The following DCLRE1C variants were observed in gnomAD, a reference collection of about 807,000 sequenced individuals.
DCLRE1C encodes the protein protein artemis.
DCLRE1C carries 47 observed loss-of-function variants against 61.4 expected under a neutral mutation model. The observed-to-expected ratio is 0.77, with a 90% CI of 0.61 to 0.98. DCLRE1C has a LOEUF of 0.98. Ranked by LOEUF, DCLRE1C falls within the 50% of genes least tolerant of loss-of-function variation. DCLRE1C has a pLI of 0.00. For synonymous variants in DCLRE1C, 337 were observed against 287.6 expected (o/e 1.17, Z -1.74); for missense variants, 858 against 816.0 (o/e 1.05, Z -0.63).
In DCLRE1C at chr10:14,909,220, C is replaced by G. The variant is rs1834840837; in HGVS notation, c.1267G>C (p.Glu423Gln). ...PEVFSMTAVS[E>Q]KQPEKLRQTP... ...TGTCTCAGTTTTTCAGGCTGCTTTT[C>G]TGATACTGCAGTCATTGAAAATACC... The change falls in exon 14 of 14, where the codon GAA becomes CAA. Residue 423 changes from glutamate (E) to glutamine (Q), a missense_variant. Coordinates refer to ENST00000378278, the MANE Select transcript of DCLRE1C (RefSeq NM_001033855.3). 6.2e-7 allele frequency: 1 copy of G among 1,614,100 alleles called. No individual in the cohort carries two copies. The highest frequency in any genetic ancestry group is 8.5e-7 in the Non-Finnish European group (1 of 1,179,988).
exon 14 of DCLRE1C, chr10:14,898,309 A>G (rs1833748459): frequency 6.7e-6 from 1 of 150,182 alleles, no homozygotes; most frequent in South Asian, 2.1e-4. Context: ...CATAGTAATA[A>G]GAACCGAGAT....
At chr10:14,940,632 TC>T (rs1840717096) in intron 3 of DCLRE1C, among the ~76,000 whole-genome samples, 1 of 152,042 alleles carries the variant, frequency 6.6e-6, no homozygotes, top group East Asian at 1.9e-4. Flanking sequence ...CTGGTACATT[TC>T]CCCCTGCCAT....
chr10:14,932,408 G>C (rs7924049), intron 9 of DCLRE1C, among the ~76,000 whole-genome samples: 42,490 of 151,946 alleles, frequency 0.28, 6,882 homozygotes, highest in African/African-American at 0.45. Flanking sequence ...GAGGCCGAGG[G>C]AGGCGGATCA....
At chr10:14,903,562 T>A (rs1834161396), downstream of DCLRE1C, 1 of 152,214 alleles carries the variant, frequency 6.6e-6, no homozygotes, top group Non-Finnish European at 1.5e-5. Context: ...TAAATTTTTT[T>A]TAGATGTGAT....
At chr10:14,928,516 G>T (rs1202987337) in intron 9 of DCLRE1C, among the ~76,000 whole-genome samples, 2 of 152,186 alleles carry the variant, frequency 1.3e-5, no homozygotes, top group African/African-American at 2.4e-5. Context: ...ACTATGGGAA[G>T]AACTGGGGAC....
At chr10:14,897,718 G>C in exon 14 of DCLRE1C, 3 of 379,272 alleles carry the variant, frequency 7.9e-6, no homozygotes, top group African/African-American at 2.1e-5. Context: ...AAAAATATAC[G>C]TTAAAACAAA....
chr10:14,935,782 T>G (rs1041301691), intron 5 of DCLRE1C, among the ~76,000 whole-genome samples: 1 of 152,222 alleles, frequency 6.6e-6, no homozygotes, highest in African/African-American at 2.4e-5. Context: ...CAGTTTGTAA[T>G]AGATGTTCCT....
intron 11 of DCLRE1C, among the ~76,000 whole-genome samples, chr10:14,924,102 G>C (rs1043928863): frequency 1.3e-5 from 2 of 152,364 alleles, no homozygotes; most frequent in African/African-American, 4.8e-5. Flanking sequence ...CACACATCAA[G>C]TACGAAGCAG....
chr10:14,950,778 C>A (rs1172848732), intron 1 of DCLRE1C, among the ~76,000 whole-genome samples: 2 of 152,218 alleles, frequency 1.3e-5, no homozygotes, highest in Admixed American at 1.3e-4. Flanking sequence ...TCCTCACCAC[C>A]CTGAGGCCCC....
At chr10:14,932,810 A>G in intron 9 of DCLRE1C, 44 bp downstream of exon 9, 3 of 1,607,530 alleles carry the variant, frequency 1.9e-6, no homozygotes, top group East Asian at 2.2e-5. Flanking sequence ...CTTCTTTTTC[A>G]TAGATTACAC....
intron 3 of DCLRE1C, among the ~76,000 whole-genome samples, chr10:14,943,299 T>C (rs1484368849): frequency 1.3e-5 from 2 of 152,114 alleles, no homozygotes; most frequent in African/African-American, 4.8e-5. Context: ...CTACTTCAGC[T>C]GGATGCTATT....
intron 13 of DCLRE1C, among the ~76,000 whole-genome samples, chr10:14,914,438 G>T (rs948850658): frequency 4.6e-5 from 7 of 152,296 alleles, no homozygotes; most frequent in Middle Eastern, 3.4e-3. Flanking sequence ...ACTGGAGATT[G>T]CAACACCCCT....
intron 13 of DCLRE1C, among the ~76,000 whole-genome samples, chr10:14,915,375 A>G (rs1836003130): frequency 6.6e-6 from 1 of 152,102 alleles, no homozygotes; most frequent in African/African-American, 2.4e-5. Flanking sequence ...TGAGAAGATC[A>G]GTAAAACTGG....
rs1834715620 is a variant in DCLRE1C at position 14,908,638 on chromosome 10, T to C, written c.1849A>G (p.Ser617Gly). Reference sequence around the variant, plus strand: ...CTTAGAGTAGTTGGTTCTCCAGTACTAGGAACTATTGTCACATCTTTATCT... The same window carrying C: ...CTTAGAGTAGTTGGTTCTCCAGTACCAGGAACTATTGTCACATCTTTATCT... ...SRDKDVTIVP[S>G]TGEPTTLSSE... is the part of the protein sequence containing the mutation. Residue 617 changes from serine (S) to glycine (G), a missense_variant, in exon 14 of 14, where the codon AGT becomes GGT. By Grantham distance (56) the Ser-to-Gly change is moderately conservative. Around this residue, in one of 2 missense-constraint regions of DCLRE1C, gnomAD observed 843 missense variants for 783.5 expected, o/e 1.08. Transcript: ENST00000378278. 3.1e-6 allele frequency: 5 copies of C among 1,614,218 alleles called. No homozygotes were observed. Among genetic ancestry groups the C allele is most frequent in the Non-Finnish European group, 4.2e-6 (5 of 1,180,034 alleles).
chr10:14,919,770 A>G lies in DCLRE1C; in HGVS notation c.1124T>C (p.Leu375Pro), dbSNP rs1386442094. 6.2e-7 allele frequency: 1 copy of G among 1,613,970 alleles called. No individual in the cohort carries two copies. Among genetic ancestry groups the G allele is most frequent in the South Asian group, 1.1e-5 (1 of 91,068 alleles). ...TEPKYKPLGK[L>P]KRARTVHRDS... is the part of the protein sequence containing the mutation. ...TCGGTGAACTGTTCTAGCTCTCTTCAGTTTTCCCAGTGGTTTATACTTTGG... is the reference window on the plus strand; with the variant it reads ...TCGGTGAACTGTTCTAGCTCTCTTCGGTTTTCCCAGTGGTTTATACTTTGG... The change falls in exon 13 of 14, where the codon CTG becomes CCG. Residue 375 changes from leucine (L) to proline (P), a missense_variant. Coordinates refer to ENST00000378278, the MANE Select transcript of DCLRE1C (RefSeq NM_001033855.3).
At chr10:14,941,778 C>G (rs1840900150) in intron 3 of DCLRE1C, among the ~76,000 whole-genome samples, 1 of 151,992 alleles carries the variant, frequency 6.6e-6, no homozygotes, top group Admixed American at 6.6e-5. Context: ...TCATGAGCAC[C>G]CCCCAAAATA....
At chr10:14,953,857 A>G in intron 1 of DCLRE1C, 45 bp downstream of exon 1, 1 of 1,611,014 alleles carries the variant, frequency 6.2e-7, no homozygotes, top group Non-Finnish European at 8.5e-7. Flanking sequence ...TCCTCTCTCC[A>G]GCCCCCAGCG....
intron 13 of DCLRE1C, among the ~76,000 whole-genome samples, chr10:14,912,463 C>T (rs189488961): frequency 1.1e-4 from 17 of 152,206 alleles, no homozygotes; most frequent in Admixed American, 5.2e-4. Flanking sequence ...CAGAAAGATA[C>T]GTAAAGACTT....
At chr10:14,923,385 T>G (rs1837450861) in intron 11 of DCLRE1C, 1 of 306,552 alleles carries the variant, frequency 3.3e-6, no homozygotes, top group South Asian at 3.4e-5. Flanking sequence ...TTTTTTTCTC[T>G]TTTTTAATAT....
Sources: gnomAD v4.1 joint callset for allele counts (sites outside exome capture counted in the v4.1 genomes callset) on GRCh38, gnomAD v4.1.1 for gene constraint, gnomAD v4.1.1 regional missense constraint, MANE v1.5 for transcripts, NCBI Gene and HGNC (gene_info 2026-07-23, HGNC 2026-07-21) for gene names.